DHTKD1: variants seen among roughly 807,000 people sequenced by gnomAD.
DHTKD1 encodes the protein dehydrogenase E1 and transketolase domain containing 1.
Under a neutral mutation model 101.8 loss-of-function variants are expected in DHTKD1, and 78 were observed. The ratio of observed to expected loss-of-function variants is 0.77; its 90% CI spans 0.64 to 0.93. The LOEUF is 0.93. Ranked by LOEUF, DHTKD1 falls within the 40% of genes least tolerant of loss-of-function variation. The probability of loss-of-function intolerance (pLI) is 0.00; values close to 1 mark genes in which losing one functional copy is unlikely to be tolerated. For missense variants in DHTKD1, 1,223 were observed against 1,161.7 expected (o/e 1.05, Z -0.77); for synonymous variants, 462 against 450.3 (o/e 1.03, Z -0.33).
intron 14 of DHTKD1, among the ~76,000 whole-genome samples, chr10:12,118,107 C>A (rs1833448996): frequency 6.6e-6 from 1 of 151,780 alleles, no homozygotes; most frequent in African/African-American, 2.4e-5. Flanking sequence ...CCAGGCTGGT[C>A]TCGAACTCCT....
At chr10:12,100,999 G>C (rs1175355615) in intron 9 of DHTKD1, 43 bp from the exon 10 acceptor site, 2 of 1,605,284 alleles carry the variant, frequency 1.2e-6, no homozygotes, top group Non-Finnish European at 1.7e-6. Flanking sequence ...TTATTATTAG[G>C]TTATTTATGG....
At chr10:12,119,103 G>T (rs1246942571) in intron 15 of DHTKD1, among the ~76,000 whole-genome samples, 185 bp downstream of exon 15, 1 of 149,652 alleles carries the variant, frequency 6.7e-6, no homozygotes, top group Non-Finnish European at 1.5e-5. Context: ...TCAGGAGATT[G>T]AGACCATCCT....
At chr10:12,099,098 A>G (rs7904634) in intron 8 of DHTKD1, among the ~76,000 whole-genome samples, 11,632 of 152,054 alleles carry the variant, frequency 0.076, 588 homozygotes, top group Non-Finnish European at 0.12. Flanking sequence ...TGAGCCCAGA[A>G]GGTCGAGCCT....
intron 1 of DHTKD1, among the ~76,000 whole-genome samples, chr10:12,072,461 CAATAAATAAATAAATAAATAAATA>C (rs71382613): frequency 2.6e-4 from 39 of 148,486 alleles, no homozygotes; most frequent in African/African-American, 7.8e-4. Context: ...GACTCTGTCT[CAATAAATAAATAAATAAATAAATA>C]AATAAATAAA....
intron 13 of DHTKD1, chr10:12,116,285 C>G (rs1238121975): frequency 2.6e-5 from 4 of 152,036 alleles, no homozygotes; most frequent in Admixed American, 2.6e-4. Flanking sequence ...TTCTTAAATT[C>G]ATTTTTTAAT....
At chr10:12,097,240 GC>G (rs1462236309) in intron 7 of DHTKD1, among the ~76,000 whole-genome samples, 1 of 151,800 alleles carries the variant, frequency 6.6e-6, no homozygotes, top group Non-Finnish European at 1.5e-5. Flanking sequence ...TTTCCTGAAT[GC>G]CTTTTTATTT....
At chr10:12,120,038 T>C (rs1833499616) in intron 15 of DHTKD1, 144 bp from the exon 16 acceptor site, 2 of 642,164 alleles carry the variant, frequency 3.1e-6, no homozygotes, top group Middle Eastern at 2.7e-4. Context: ...GTTGTATGGG[T>C]ACTTGAAGTA....
At chr10:12,077,068 T>A (rs1832744283) in intron 1 of DHTKD1, among the ~76,000 whole-genome samples, 3 of 150,086 alleles carry the variant, frequency 2.0e-5, no homozygotes, top group Non-Finnish European at 4.4e-5. Flanking sequence ...TTCTTTTGTT[T>A]ATGAAAAATA....
chr10:12,100,890 A>C (rs993837511), intron 9 of DHTKD1, 152 bp from the exon 10 acceptor site: 1 of 760,788 alleles, frequency 1.3e-6, no homozygotes, highest in Non-Finnish European at 2.1e-6. Context: ...TTAACTATAG[A>C]CTTTTGAATA....
intron 5 of DHTKD1, among the ~76,000 whole-genome samples, chr10:12,090,443 C>CCTTTTTCCTTT (rs1554791913): frequency 1.0e-5 from 1 of 99,586 alleles, no homozygotes; most frequent in African/African-American, 3.9e-5. Flanking sequence ...TTCCTTCCTT[C>CCTTTTTCCTTT]CTTCCTTCCT....
rs1354778000 is a variant in DHTKD1, at chr10:12,120,899, TG to T, written c.*12del. On this transcript the variant is annotated 3_prime_UTR_variant, in exon 17 of 17. Coordinates refer to ENST00000263035, the MANE Select transcript of DHTKD1 (RefSeq NM_018706.7). ...AAGACCTTCGCTTGATGATGACTTT[TG>T]AAGAAACACTATTTCTCTTTAAGAA... 1 of 1,612,290 alleles carries T rather than the reference TG, an allele frequency of 6.2e-7. No individual in the cohort carries two copies. The highest frequency in any genetic ancestry group is 8.5e-7 in the Non-Finnish European group (1 of 1,178,780).
At position 12,120,804 on chromosome 10, in the gene DHTKD1, G is replaced by C; in HGVS notation, c.2676G>C (p.Arg892=). 6.2e-7 allele frequency: 1 copy of C among 1,613,936 alleles called. No individual in the cohort carries two copies. The highest frequency in any genetic ancestry group is 1.1e-5 in the South Asian group (1 of 91,072). ...ACTTATAGCTCCGTCTGGTGGGCCG[G>C]CCCCCTTTGCCAGTACCCGCTGTAG... ...QLACKLRLVG[R]PPLPVPAVGI... The change falls in exon 17 of 17, where the codon CGG becomes CGC. Residue 892 remains arginine, a synonymous_variant. Transcript: ENST00000263035.
chr10:12,085,176 G>C (rs1275490406), intron 3 of DHTKD1, among the ~76,000 whole-genome samples: 1 of 152,108 alleles, frequency 6.6e-6, no homozygotes, highest in Non-Finnish European at 1.5e-5. Flanking sequence ...CAGGGGTGAT[G>C]GTGCACACCT....
chr10:12,113,158 A>G (rs1263355544), intron 13 of DHTKD1, 94 bp downstream of exon 13: 39 of 1,148,348 alleles, frequency 3.4e-5, no homozygotes, highest in Non-Finnish European at 4.7e-5. Context: ...TTTAAATTAC[A>G]GAAACACCTT....
At chr10:12,096,891 A>G (rs931509116) in intron 7 of DHTKD1, among the ~76,000 whole-genome samples, 1 of 152,148 alleles carries the variant, frequency 6.6e-6, no homozygotes, top group South Asian at 2.1e-4. Flanking sequence ...GGGGGTGCTG[A>G]TTGGATAGAC....
chr10:12,078,606 G>C (rs996987328), intron 1 of DHTKD1, among the ~76,000 whole-genome samples: 1 of 152,052 alleles, frequency 6.6e-6, no homozygotes, highest in Admixed American at 6.6e-5. Flanking sequence ...GTGAGACTCC[G>C]TCTCAAAAAA....
intron 3 of DHTKD1, among the ~76,000 whole-genome samples, chr10:12,086,875 G>T (rs956476427): frequency 6.6e-6 from 1 of 152,050 alleles, no homozygotes; most frequent in Non-Finnish European, 1.5e-5. Context: ...ATTTTCAGTA[G>T]AGACGGGGTT....
Position 12,107,681 on chromosome 10 carries a change from G to A in DHTKD1, c.2048-228G>A, listed in dbSNP as rs1485937874. Reference sequence around the variant, plus strand: ...GATCTATCCGCCTCAGCCTCCCAAAGTGCTGGGATTACAGGTGTGAGCCAC... The same window carrying A: ...GATCTATCCGCCTCAGCCTCCCAAAATGCTGGGATTACAGGTGTGAGCCAC... On this transcript the variant is annotated intron_variant, in intron 11 of 16. Coordinates refer to ENST00000263035, the MANE Select transcript of DHTKD1 (RefSeq NM_018706.7). This position sits in a 1 kb window ranked among gnomAD's most constrained non-coding sequence, Gnocchi z 4.1. 6.6e-6 allele frequency among the ~76,000 whole-genome samples: 1 copy of A among 152,136 alleles called. No homozygotes were observed. The highest frequency in any genetic ancestry group is 1.9e-4 in the East Asian group (1 of 5,186).
intron 3 of DHTKD1, among the ~76,000 whole-genome samples, chr10:12,086,524 T>C (rs1279474430): frequency 2.0e-5 from 3 of 151,360 alleles, no homozygotes; most frequent in Admixed American, 6.6e-5. Flanking sequence ...CAGCCTAAAA[T>C]GTGTTAGCCA....
Sources: allele counts gnomAD v4.1 joint callset (sites outside exome capture counted in the v4.1 genomes callset), GRCh38; gene constraint gnomAD v4.1.1; non-coding constraint Gnocchi (gnomAD v3.1); transcripts MANE v1.5; gene names NCBI Gene and HGNC (gene_info 2026-07-23, HGNC 2026-07-21).